TENM2: variants seen among roughly 807,000 people sequenced by gnomAD.
The protein encoded by TENM2 is teneurin transmembrane protein 2, also known as teneurin-2.
A neutral mutation model predicts 245.2 loss-of-function variants in TENM2; 52 were observed. The ratio of observed to expected loss-of-function variants is 0.21; its 90% CI spans 0.17 to 0.27. TENM2 has a LOEUF of 0.27. Among genes scored for constraint, TENM2 ranks in the 10% least tolerant of loss-of-function variants. The probability of loss-of-function intolerance (pLI) is 1.00; values close to 1 mark genes in which losing one functional copy is unlikely to be tolerated. For synonymous variants in TENM2, 1,363 were observed against 1,438.9 expected (o/e 0.95, Z 1.19); for missense variants, 3,046 against 3,666.8 (o/e 0.83, Z 4.37).
intron 2 of TENM2, among the ~76,000 whole-genome samples, chr5:167,668,646 G>T (rs1755729193): frequency 6.6e-6 from 1 of 152,138 alleles, no homozygotes; most frequent in South Asian, 2.1e-4. Flanking sequence ...TGAGAATGAT[G>T]TGGAAATTTC....
intron 2 of TENM2, among the ~76,000 whole-genome samples, chr5:167,410,311 A>G (rs967787750): frequency 3.9e-5 from 6 of 152,036 alleles, no homozygotes; most frequent in Admixed American, 2.0e-4. Context: ...AAAAACAACA[A>G]CCCACTACCT....
intron 2 of TENM2, among the ~76,000 whole-genome samples, chr5:167,438,645 C>T (rs1764711165): frequency 6.6e-6 from 1 of 152,200 alleles, no homozygotes; most frequent in Non-Finnish European, 1.5e-5. Flanking sequence ...GATTCGTCCG[C>T]CTTGGCCTCC....
intron 1 of TENM2, among the ~76,000 whole-genome samples, chr5:167,298,553 G>A (rs371612524): frequency 1.8e-4 from 27 of 152,326 alleles, no homozygotes; most frequent in South Asian, 8.3e-4. Flanking sequence ...GCAGTGAGCC[G>A]AGATCGTGCC....
chr5:167,640,899 A>ATATATATC (rs1561629185), intron 2 of TENM2, among the ~76,000 whole-genome samples: 1 of 93,120 alleles, frequency 1.1e-5, no homozygotes, highest in Non-Finnish European at 2.1e-5. Flanking sequence ...ATATATATAT[A>ATATATATC]TATATATCTT....
chr5:167,283,586 C>A (rs1325861887), upstream of TENM2, among the ~76,000 whole-genome samples: 2 of 152,154 alleles, frequency 1.3e-5, no homozygotes, highest in African/African-American at 4.8e-5. Context: ...CAGAGGGGTT[C>A]AAAACTATAG....
At position 167,445,332 on chromosome 5, in the gene TENM2, T is replaced by TAGGGAGAGAGAGAG. The variant is rs71591182; in HGVS notation, c.502+69860_502+69861insGGGAGAGAGAGAGA. Reference sequence around the variant, plus strand: ...ATGATTATATATATATATATATATATATATAGAGAGAGAGAGAGAGAGAGA... The same window carrying TAGGGAGAGAGAGAG: ...ATGATTATATATATATATATATATATAGGGAGAGAGAGAGATATAGAGAGAGAGAGAGAGAGAGA... On this transcript the variant is annotated intron_variant, in intron 2 of 28. Transcript: ENST00000518659. 9.2e-4 allele frequency among the ~76,000 whole-genome samples: 71 copies of TAGGGAGAGAGAGAG among 77,012 alleles called. 1 individual carries two copies. The highest frequency in any genetic ancestry group is 3.3e-3 in the South Asian group (6 of 1,842). The allele number at this position is 77,012 out of a possible 152,430, so 50.5% of individuals were successfully genotyped here.
chr5:167,934,943 T>C, intron 3 of TENM2: 1 of 984,466 alleles, frequency 1.0e-6, no homozygotes, highest in Non-Finnish European at 1.2e-6. Flanking sequence ...ATGGCTTTTA[T>C]TGACTTTCTG....
At chr5:167,651,364 G>A (rs1429467432) in intron 2 of TENM2, among the ~76,000 whole-genome samples, 2 of 151,744 alleles carry the variant, frequency 1.3e-5, no homozygotes, top group Non-Finnish European at 2.9e-5. Flanking sequence ...GGAAATTAGT[G>A]TGCAAGGTAT....
chr5:167,739,823 T>C (rs1223925685), intron 2 of TENM2, among the ~76,000 whole-genome samples: 1 of 152,154 alleles, frequency 6.6e-6, no homozygotes, highest in Non-Finnish European at 1.5e-5. Flanking sequence ...GTTGAGACAT[T>C]ACCTTGAGCA....
At chr5:167,738,006 T>A (rs940178500) in intron 2 of TENM2, among the ~76,000 whole-genome samples, 4 of 152,222 alleles carry the variant, frequency 2.6e-5, no homozygotes, top group Non-Finnish European at 4.4e-5. Context: ...GTGTTGTTAA[T>A]CAACCCTTCC....
chr5:168,095,133 A>G (rs1427429892), intron 8 of TENM2, among the ~76,000 whole-genome samples: 1 of 152,140 alleles, frequency 6.6e-6, no homozygotes, highest in Non-Finnish European at 1.5e-5. Flanking sequence ...TAGAAATAAA[A>G]TGCACAGTAA....
intron 2 of TENM2, among the ~76,000 whole-genome samples, chr5:167,767,550 A>T (rs1196478206): frequency 6.6e-6 from 1 of 152,220 alleles, no homozygotes; most frequent in East Asian, 1.9e-4. Context: ...TAGAAATATA[A>T]ATCTTACATA....
At chr5:167,764,637 G>A (rs1561754435) in intron 2 of TENM2, among the ~76,000 whole-genome samples, 1 of 152,162 alleles carries the variant, frequency 6.6e-6, no homozygotes, top group Non-Finnish European at 1.5e-5. Flanking sequence ...CGCATTCTTA[G>A]GTGGAACAGG....
rs529110146 is a variant in TENM2 at position 167,917,573 on chromosome 5, C to T, written c.713-35015C>T. Among the ~76,000 whole-genome samples, 29 of 152,204 alleles carry T rather than the reference C, an allele frequency of 1.9e-4. No individual in the cohort carries two copies. The South Asian group carries it at 2.3e-3, about 12-fold the overall frequency. ...GCACTGCCACCTGCTTGCTTGTGAC[C>T]TTGAAAACCCCACCTCACCTGTCTA... On this transcript the variant is annotated intron_variant, in intron 3 of 28. Transcript: ENST00000518659.
intron 16 of TENM2, 113 bp downstream of exon 18, chr5:168,199,227 G>T (rs928671431): frequency 1.7e-6 from 2 of 1,161,796 alleles, no homozygotes; most frequent in Non-Finnish European, 1.2e-6. Flanking sequence ...AGTAAAAAAA[G>T]TGGGAGCATA....
At chr5:168,146,208 C>T (rs1756061900) in intron 12 of TENM2, among the ~76,000 whole-genome samples, 1 of 152,068 alleles carries the variant, frequency 6.6e-6, no homozygotes, top group African/African-American at 2.4e-5. Context: ...CCAGAACTTC[C>T]AACTTCCAAC....
intron 13 of TENM2, 76 bp from the exon 16 acceptor site, chr5:168,190,261 A>G: frequency 8.7e-7 from 1 of 1,153,350 alleles, no homozygotes; most frequent in South Asian, 1.4e-5. Context: ...CTGTGCTGGT[A>G]ACAAAGGTGT....
chr5:167,900,138 G>A (rs1434048981), intron 3 of TENM2, among the ~76,000 whole-genome samples: 19 of 114,322 alleles, frequency 1.7e-4, no homozygotes, highest in Admixed American at 4.3e-4. Flanking sequence ...AAAAAAGGGG[G>A]GGGGGGTTTT....
chr5:167,938,352 G>A (rs1778898375), intron 3 of TENM2, among the ~76,000 whole-genome samples: 2 of 152,192 alleles, frequency 1.3e-5, no homozygotes, highest in Admixed American at 6.5e-5. Flanking sequence ...TTGATGTAGA[G>A]TTTAACAATA....
Sources: allele counts gnomAD v4.1 joint callset (sites outside exome capture counted in the v4.1 genomes callset), GRCh38; gene constraint gnomAD v4.1.1; transcripts MANE v1.5; gene names NCBI Gene and HGNC (gene_info 2026-07-23, HGNC 2026-07-21).